LRP12: variants seen among roughly 807,000 people sequenced by gnomAD.
LRP12 encodes the protein low-density lipoprotein receptor-related protein 12.
In LRP12, 14 loss-of-function variants were observed where a neutral mutation model predicts 66.0. The ratio of observed to expected loss-of-function variants is 0.21; its 90% confidence interval spans 0.14 to 0.33. The LOEUF is 0.33. Ranked by LOEUF, LRP12 falls within the 10% of genes least tolerant of loss-of-function variation. The probability of loss-of-function intolerance (pLI) is 1.00; values close to 1 mark genes in which losing one functional copy is unlikely to be tolerated. For synonymous variants in LRP12, 357 were observed against 359.1 expected, an observed-to-expected ratio of 0.99 and a Z score of 0.07; for missense variants, 889 against 1,053.4, an observed-to-expected ratio of 0.84 and a Z score of 2.16.
At chr8:104,548,171 A>ATATAAT (rs1554709876) in intron 1 of LRP12, among the ~76,000 whole-genome samples, 6,880 of 99,038 alleles carry the variant, frequency 0.069, 320 homozygotes, top group Non-Finnish European at 0.073. Context: ...TATTATATAT[A>ATATAAT]ATATAATATA....
At chr8:104,517,162 A>G (rs1438663251) in intron 2 of LRP12, among the ~76,000 whole-genome samples, 1 of 150,674 alleles carries the variant, frequency 6.6e-6, no homozygotes, top group Non-Finnish European at 1.5e-5. Context: ...AACTGAATCC[A>G]AGAAGCATAT....
rs1338749223 is a variant in LRP12 at position 104,548,368 on chromosome 8, A to T, written c.80-16405T>A. 2.1e-4 allele frequency among the ~76,000 whole-genome samples: 11 copies of T among 53,038 alleles called. No individual in the cohort carries two copies. In the Admixed American group the frequency reaches 2.9e-3, roughly 14 times the overall value. 34.8% of individuals were successfully genotyped at this position (53,038 alleles called of 152,430 possible). A position where few individuals can be genotyped will look rare whatever the true frequency, so the allele number is the denominator to read the frequency against. On this transcript the variant is annotated intron_variant, in intron 1 of 6. Coordinates refer to ENST00000276654, the MANE Select transcript of LRP12 (RefSeq NM_013437.5). Reference sequence around the variant, plus strand: ...ATAAATATATAATATATATTATATAAATATATTATATAAATATATAATATA... The same window carrying T: ...ATAAATATATAATATATATTATATATATATATTATATAAATATATAATATA...
At chr8:104,573,851 A>G (rs1812120598) in intron 1 of LRP12, among the ~76,000 whole-genome samples, 1 of 152,056 alleles carries the variant, frequency 6.6e-6, no homozygotes, top group Non-Finnish European at 1.5e-5. Context: ...AAAGAGGTAG[A>G]GGGCAGAAGA....
intron 2 of LRP12, among the ~76,000 whole-genome samples, chr8:104,530,285 G>A (rs1186501258): frequency 1.3e-5 from 2 of 152,084 alleles, no homozygotes; most frequent in African/African-American, 4.8e-5. Flanking sequence ...AAGCCCATAT[G>A]TGGAAGCCCT....
At chr8:104,534,023 A>G (rs1811362072) in intron 1 of LRP12, among the ~76,000 whole-genome samples, 1 of 151,298 alleles carries the variant, frequency 6.6e-6, no homozygotes, top group African/African-American at 2.4e-5. Flanking sequence ...TTTAAAATGG[A>G]GATAATACCT....
intron 2 of LRP12, among the ~76,000 whole-genome samples, chr8:104,511,718 A>G (rs1053774749): frequency 6.6e-6 from 1 of 152,196 alleles, no homozygotes; most frequent in Non-Finnish European, 1.5e-5. Context: ...TCAAAGCTTT[A>G]AAAGTATATT....
At chr8:104,523,765 G>A (rs574691823) in intron 2 of LRP12, among the ~76,000 whole-genome samples, 88 of 152,220 alleles carry the variant, frequency 5.8e-4, no homozygotes, top group Non-Finnish European at 9.1e-4. Context: ...AGAAAAAGCC[G>A]AATTGCTTGA....
At chr8:104,513,181 C>A (rs1811022152) in intron 2 of LRP12, among the ~76,000 whole-genome samples, 1 of 152,024 alleles carries the variant, frequency 6.6e-6, no homozygotes. Flanking sequence ...CCAAAAGAAA[C>A]CATTAAAGCA....
At chr8:104,566,217 A>G (rs187167699) in intron 1 of LRP12, 10 of 675,118 alleles carry the variant, frequency 1.5e-5, no homozygotes, top group Admixed American at 3.1e-5. Flanking sequence ...CAGCACATAG[A>G]AAGTATACAG....
chr8:104,519,236 T>C (rs541693206), intron 2 of LRP12, among the ~76,000 whole-genome samples: 1 of 152,188 alleles, frequency 6.6e-6, no homozygotes, highest in South Asian at 2.1e-4. Flanking sequence ...CAAGCTGCGT[T>C]ATAATGTGAA....
At position 104,545,128 on chromosome 8, in the gene LRP12, G is replaced by A. The variant is rs1002176131; in HGVS notation, c.80-13165C>T. Among the ~76,000 whole-genome samples the A allele has an allele frequency of 5.3e-5, 8 of 152,282 alleles. No individual in the cohort carries two copies. In the South Asian group the frequency reaches 1.4e-3, roughly 28 times the overall value. ...GTGTTTCAAGGCTTCAGTGGAGGAA[G>A]AAACTGCAGACGTGGTGGAAATCGC... On this transcript the variant is annotated intron_variant, in intron 1 of 6. Transcript: ENST00000276654.
chr8:104,525,116 T>C (rs1469436054), intron 2 of LRP12, among the ~76,000 whole-genome samples: 1 of 152,110 alleles, frequency 6.6e-6, no homozygotes, highest in Non-Finnish European at 1.5e-5. Flanking sequence ...GCAATTAAAT[T>C]ACTTGGCAGT....
intron 2 of LRP12, among the ~76,000 whole-genome samples, chr8:104,515,921 A>G (rs1253268253): frequency 6.6e-6 from 1 of 152,044 alleles, no homozygotes; most frequent in Non-Finnish European, 1.5e-5. Context: ...TAAATTTACT[A>G]TTTTTATTTT....
chr8:104,490,881 C>T lies in LRP12; in HGVS notation c.2372G>A (p.Cys791Tyr). ...GGCAAGATCAAGAAGAGGTCTGGAG[C>T]AGTCATTCACATCAAAGTCTGAAGA... ...DGSSDFDVND[C>Y]SRPLLDLASD... is the part of the protein sequence containing the mutation. Residue 791 changes from cysteine to tyrosine, a missense_variant, in exon 7 of 7, where the codon TGC becomes TAC. Coordinates refer to ENST00000276654, the MANE Select transcript of LRP12 (RefSeq NM_013437.5). The T allele has an allele frequency of 6.2e-7, 1 of 1,614,114 alleles. No homozygotes were observed. Among genetic ancestry groups the T allele is most frequent in the Non-Finnish European group, 8.5e-7 (1 of 1,180,008 alleles).
At chr8:104,501,264 T>G (rs1260244348) in intron 3 of LRP12, among the ~76,000 whole-genome samples, 1 of 152,158 alleles carries the variant, frequency 6.6e-6, no homozygotes, top group Non-Finnish European at 1.5e-5. Context: ...GGGTGTGATC[T>G]CTTATTGTGG....
At chr8:104,519,649 G>A (rs1257562589) in intron 2 of LRP12, among the ~76,000 whole-genome samples, 1 of 151,854 alleles carries the variant, frequency 6.6e-6, no homozygotes, top group Admixed American at 6.6e-5. Flanking sequence ...AGATGGGAAA[G>A]GTTTTAACTA....
At position 104,491,488 on chromosome 8, in the gene LRP12, T is replaced by C; in HGVS notation, c.1765A>G (p.Thr589Ala). 4 of 1,612,724 alleles carry C rather than the reference T, an allele frequency of 2.5e-6. No homozygotes were observed. Among genetic ancestry groups the C allele is most frequent in the Non-Finnish European group, 3.4e-6 (4 of 1,179,864 alleles). The change falls in exon 7 of 7, where the codon ACT becomes GCT. Residue 589 changes from threonine (T) to alanine (A), a missense_variant. Transcript: ENST00000276654. The part of the protein sequence containing the change: ...RLAVRSQLGF[T>A]SVRLPMAGRS... ...CCTGCCATAGGAAGCCTGACTGAAG[T>C]AAATCCAAGCTGAGATCGTACCGCT...
chr8:104,568,254 T>C (rs1329117450), intron 1 of LRP12, among the ~76,000 whole-genome samples: 2 of 152,140 alleles, frequency 1.3e-5, no homozygotes, highest in East Asian at 1.9e-4. Context: ...CCTCACATCA[T>C]ATGCAAAAAA....
chr8:104,543,385 T>C (rs191901638), intron 1 of LRP12, among the ~76,000 whole-genome samples: 1 of 152,286 alleles, frequency 6.6e-6, no homozygotes, highest in East Asian at 1.9e-4. Context: ...AGATCTTTGA[T>C]GTTACGACTG....
Sources: gnomAD v4.1 joint callset for allele counts (sites outside exome capture counted in the v4.1 genomes callset) on GRCh38, gnomAD v4.1.1 for gene constraint, MANE v1.5 for transcripts, NCBI Gene and HGNC (gene_info 2026-07-23, HGNC 2026-07-21) for gene names.